Variants in CCNB3 observed in about 807,000 individuals in gnomAD.
The protein encoded by CCNB3 is cyclin B3, also known as G2/mitotic-specific cyclin-B3.
Under a neutral mutation model 68.0 loss-of-function variants are expected in CCNB3, and 12 were observed. That is an observed-to-expected ratio of 0.18 (90% CI 0.11 to 0.29). The LOEUF is 0.29. CCNB3 is among the 10% of genes least tolerant of loss of function. The pLI is 1.00. For missense variants in CCNB3, 904 were observed against 993.1 expected (o/e 0.91, Z 1.21); for synonymous variants, 354 against 388.9 (o/e 0.91, Z 1.06).
intron 5 of CCNB3, among the ~76,000 whole-genome samples, chrX:50,301,722 G>A (rs1282626435): frequency 1.8e-5 from 2 of 112,749 alleles, no homozygotes; most frequent in African/African-American, 6.4e-5. Context: ...TCTGTGCCCT[G>A]CCCCCAGAGG....
rs1921392347 is a variant in CCNB3, at chrX:50,310,783, G to A, written c.2614G>A (p.Ala872Thr). The change falls in exon 6 of 13, where the codon GCC (alanine) becomes ACC (threonine). Residue 872 changes from alanine to threonine, a missense_variant. Transcript: ENST00000376042. ...LQEKPSIEQE[A>T]LFKRHSALWE... Reference sequence around the variant, plus strand: ...GGAGAAGCCCAGCATTGAGCAGGAGGCCCTCTTTAAGCGACACTCAGCTTT... The same window carrying A: ...GGAGAAGCCCAGCATTGAGCAGGAGACCCTCTTTAAGCGACACTCAGCTTT... 1 of 1,211,216 alleles carries A rather than the reference G, an allele frequency of 8.3e-7. No individual in the cohort carries two copies. The highest frequency in any genetic ancestry group is 1.1e-6 in the Non-Finnish European group (1 of 895,314).
intron 3 of CCNB3, among the ~76,000 whole-genome samples, chrX:50,287,537 G>A (rs1392348394): frequency 6.2e-5 from 7 of 112,105 alleles, no homozygotes; most frequent in South Asian, 3.7e-4. Context: ...TTCAAGGACT[G>A]TAAGGCAAGT....
intron 9 of CCNB3, among the ~76,000 whole-genome samples, chrX:50,344,592 C>G (rs17003325): frequency 0.023 from 2,554 of 111,315 alleles, 65 homozygotes; most frequent in African/African-American, 0.08. Context: ...TCCTTCTGCT[C>G]CATGATTCTC....
At chrX:50,314,430 A>G (rs1440660520) in intron 8 of CCNB3, among the ~76,000 whole-genome samples, 1 of 111,715 alleles carries the variant, frequency 9.0e-6, no homozygotes, top group African/African-American at 3.2e-5. Flanking sequence ...ATACTAAGAT[A>G]GGAGAGCCCA....
chrX:50,330,516 AC>A (rs1922543373), intron 8 of CCNB3, among the ~76,000 whole-genome samples: 1 of 111,687 alleles, frequency 9.0e-6, no homozygotes, highest in Admixed American at 9.5e-5. Flanking sequence ...CTTCCTCACT[AC>A]CTACGTCTTC....
intron 5 of CCNB3, among the ~76,000 whole-genome samples, chrX:50,302,370 T>C (rs1936665748): frequency 3.6e-5 from 4 of 111,949 alleles, no homozygotes. Context: ...CTAATAATAG[T>C]AGGAAAACTA....
chrX:50,282,225 C>T (rs1936150402), intron 1 of CCNB3, among the ~76,000 whole-genome samples: 1 of 110,889 alleles, frequency 9.0e-6, no homozygotes, highest in Admixed American at 9.7e-5. Context: ...AAACTGGGTC[C>T]CAGAGAGGGA....
chrX:50,225,350 G>C (rs1935736326), intron 1 of CCNB3, among the ~76,000 whole-genome samples: 1 of 111,595 alleles, frequency 9.0e-6, no homozygotes, highest in Non-Finnish European at 1.9e-5. Context: ...TGGTTGGAGA[G>C]CAGGGAATGC....
At chrX:50,209,418 C>T (rs1301981837) in intron 1 of CCNB3, among the ~76,000 whole-genome samples, 4 of 110,631 alleles carry the variant, frequency 3.6e-5, no homozygotes, top group Non-Finnish European at 5.7e-5. Flanking sequence ...TGCAGTGGCG[C>T]GATCTCAGCT....
chrX:50,295,382 G>A (rs1557210738), intron 5 of CCNB3, among the ~76,000 whole-genome samples: 1 of 111,193 alleles, frequency 9.0e-6, no homozygotes, highest in African/African-American at 3.3e-5. Flanking sequence ...AAGCTTTACG[G>A]GAGGTTTGTC....
rs1360939242 is a variant in CCNB3 at position 50,226,607 on chromosome X, CTA to C, written c.-113+21660_-113+21661del. ...ATACAAATATATATATAGAATATAT[CTA>C]TAAATATATATATAGAATATATCTA... On this transcript the variant is annotated intron_variant, in intron 1 of 12. Coordinates refer to ENST00000376042, the MANE Select transcript of CCNB3 (RefSeq NM_033031.3). 2.5e-4 allele frequency among the ~76,000 whole-genome samples: 4 copies of C among 15,795 alleles called. No homozygotes were observed. In the Admixed American group the frequency reaches 2.8e-3, roughly 11 times the overall value. The allele number at this position is 15,795 out of a possible 115,157, so 13.7% of individuals were successfully genotyped here.
intron 8 of CCNB3, among the ~76,000 whole-genome samples, chrX:50,326,990 C>T (rs969155065): frequency 1.8e-4 from 20 of 111,907 alleles, no homozygotes; most frequent in Non-Finnish European, 3.8e-4. Context: ...TGTTACTTTC[C>T]TTTTGTTTCT....
At chrX:50,290,226 A>G (rs1557209945) in intron 4 of CCNB3, among the ~76,000 whole-genome samples, 1 of 111,612 alleles carries the variant, frequency 9.0e-6, no homozygotes, top group African/African-American at 3.3e-5. Context: ...ATCACAAAAC[A>G]CCTTAGACTG....
At chrX:50,302,115 G>C (rs927776074) in intron 5 of CCNB3, among the ~76,000 whole-genome samples, 1 of 112,292 alleles carries the variant, frequency 8.9e-6, no homozygotes, top group Non-Finnish European at 1.9e-5. Context: ...GCTTCAACTC[G>C]TGCATGGTGC....
intron 8 of CCNB3, among the ~76,000 whole-genome samples, chrX:50,317,569 A>ATGTATGTATGTATGTATGTATGTC: frequency 9.2e-6 from 1 of 109,215 alleles, no homozygotes; most frequent in African/African-American, 3.4e-5. Context: ...GTATGTATGT[A>ATGTATGTATGTATGTATGTATGTC]TTTATTTATT....
At position 50,294,858 on chromosome X, in the gene CCNB3, T is replaced by C; in HGVS notation, c.205-5T>C. On this transcript the variant is annotated splice_polypyrimidine_tract_variant and splice_region_variant and intron_variant, in intron 4 of 12. Coordinates refer to ENST00000376042, the MANE Select transcript of CCNB3 (RefSeq NM_033031.3). ...CTGCCCCCCAACCCACCTTTTTTTTTGCAGGCTTCTCAATGTCAACCTGTC... is the reference window on the plus strand; with the variant it reads ...CTGCCCCCCAACCCACCTTTTTTTTCGCAGGCTTCTCAATGTCAACCTGTC... The C allele has an allele frequency of 8.4e-7, 1 of 1,185,363 alleles. No individual in the cohort carries two copies. Among genetic ancestry groups the C allele is most frequent in the African/African-American group, 1.8e-5 (1 of 56,534 alleles).
chrX:50,207,649 C>A (rs1195457312), intron 1 of CCNB3, among the ~76,000 whole-genome samples: 1 of 111,961 alleles, frequency 8.9e-6, no homozygotes, highest in Non-Finnish European at 1.9e-5. Flanking sequence ...AACTGGCTAA[C>A]TGATTCCACT....
intron 8 of CCNB3, among the ~76,000 whole-genome samples, chrX:50,318,526 C>G (rs1449259973): frequency 8.9e-6 from 1 of 111,747 alleles, no homozygotes; most frequent in African/African-American, 3.2e-5. Flanking sequence ...ACAACAACAA[C>G]AACAACAAAG....
At chrX:50,298,560 C>T (rs1484353299) in intron 5 of CCNB3, among the ~76,000 whole-genome samples, 1 of 111,620 alleles carries the variant, frequency 9.0e-6, no homozygotes, top group Non-Finnish European at 1.9e-5. Context: ...ATTTTTGCAT[C>T]GATGTTCATC....
Sources: gnomAD v4.1 joint callset for allele counts (sites outside exome capture counted in the v4.1 genomes callset) on GRCh38, gnomAD v4.1.1 for gene constraint, MANE v1.5 for transcripts, NCBI Gene and HGNC (gene_info 2026-07-23, HGNC 2026-07-21) for gene names.